The following POFUT3 variants were observed in gnomAD, a reference collection of about 807,000 sequenced individuals.
POFUT3 encodes the protein GDP-fucose protein O-fucosyltransferase 3.
At chr8:33,386,356 G>A in the POFUT3 span, among the ~76,000 whole-genome samples, 1 of 152,056 alleles carries the variant, frequency 6.6e-6, no homozygotes, top group Non-Finnish European at 1.5e-5. Flanking sequence ...CCACCTCTCT[G>A]GGAGGAATCA....
At chr8:33,428,846 C>T in the POFUT3 span, among the ~76,000 whole-genome samples, 34 of 152,362 alleles carry the variant, frequency 2.2e-4, no homozygotes, top group South Asian at 6.6e-3. Context: ...ATCCCTCCAT[C>T]TTAGATTTCC....
chr8:33,436,697 C>A, the POFUT3 span: 1 of 770,664 alleles, frequency 1.3e-6, no homozygotes, highest in Non-Finnish European at 2.2e-6. Context: ...AACAGCTTCA[C>A]CATCCTGACC....
chr8:33,345,075 G>C, the POFUT3 span, among the ~76,000 whole-genome samples: 3 of 152,312 alleles, frequency 2.0e-5, no homozygotes, highest in African/African-American at 4.8e-5. Flanking sequence ...TGAGCATTCT[G>C]TTGCTCCAGT....
the POFUT3 span, among the ~76,000 whole-genome samples, chr8:33,470,872 CA>C: frequency 6.6e-6 from 1 of 152,048 alleles, no homozygotes; most frequent in African/African-American, 2.4e-5. Context: ...AAATTATATC[CA>C]GGAGTAAAAA....
the POFUT3 span, among the ~76,000 whole-genome samples, chr8:33,358,887 A>G: frequency 6.6e-6 from 1 of 152,164 alleles, no homozygotes; most frequent in Non-Finnish European, 1.5e-5. Context: ...TCATTTTGCA[A>G]TATGAGGTTA....
the POFUT3 span, among the ~76,000 whole-genome samples, chr8:33,381,965 C>T: frequency 7.2e-5 from 11 of 152,162 alleles, no homozygotes; most frequent in Non-Finnish European, 1.3e-4. Flanking sequence ...TCAGAGCGCA[C>T]CTTCAATACA....
chr8:33,402,529 C>T, the POFUT3 span, among the ~76,000 whole-genome samples: 43,912 of 151,914 alleles, frequency 0.29, 6,718 homozygotes, highest in East Asian at 0.47. Flanking sequence ...TCTAGGATAC[C>T]CCTACCTTGA....
the POFUT3 span, among the ~76,000 whole-genome samples, chr8:33,425,574 G>A: frequency 1.3e-5 from 2 of 152,004 alleles, no homozygotes; most frequent in Admixed American, 1.3e-4. Flanking sequence ...GAAGGGACCT[G>A]AAGAAAATCA....
chr8:33,417,047 T>C, the POFUT3 span, among the ~76,000 whole-genome samples: 1 of 151,966 alleles, frequency 6.6e-6, no homozygotes, highest in African/African-American at 2.4e-5. Context: ...GAGAGAAACA[T>C]CATCTGTATT....
At chr8:33,402,888 T>C in the POFUT3 span, among the ~76,000 whole-genome samples, 1 of 151,806 alleles carries the variant, frequency 6.6e-6, no homozygotes, top group East Asian at 1.9e-4. Flanking sequence ...GGGAGACCTG[T>C]CTCTATAAAC....
At chr8:33,420,419 T>G in the POFUT3 span, among the ~76,000 whole-genome samples, 1 of 152,176 alleles carries the variant, frequency 6.6e-6, no homozygotes, top group African/African-American at 2.4e-5. Context: ...AGAGACAGTG[T>G]GGGAATAATT....
At chr8:33,459,121 C>T in the POFUT3 span, among the ~76,000 whole-genome samples, 11 of 152,140 alleles carry the variant, frequency 7.2e-5, no homozygotes, top group Non-Finnish European at 1.5e-4. Context: ...AGGTGGATCA[C>T]CTGAGGTCAG....
chr8:33,372,864 T>G, the POFUT3 span: 2 of 1,481,170 alleles, frequency 1.4e-6, no homozygotes, highest in African/African-American at 1.4e-5. Flanking sequence ...ACAATTCCCT[T>G]AAAGCAACAG....
At chr8:33,466,902 C>T in the POFUT3 span, among the ~76,000 whole-genome samples, 2 of 151,964 alleles carry the variant, frequency 1.3e-5, no homozygotes, top group African/African-American at 2.4e-5. Flanking sequence ...GTCAGGAGTT[C>T]GAGACCAGCC....
chr8:33,439,420 A>G, the POFUT3 span, among the ~76,000 whole-genome samples: 2 of 151,934 alleles, frequency 1.3e-5, no homozygotes, highest in South Asian at 4.2e-4. Context: ...AAAGAAAGAA[A>G]CTGTGTGGTT....
chr8:33,367,494 C>G, the POFUT3 span, among the ~76,000 whole-genome samples: 18 of 150,168 alleles, frequency 1.2e-4, no homozygotes, highest in Non-Finnish European at 2.5e-4. Flanking sequence ...CTGTTTGGGG[C>G]TCTCAGCTCT....
chr8:33,412,322 G>C, the POFUT3 span, among the ~76,000 whole-genome samples: 3 of 152,270 alleles, frequency 2.0e-5, no homozygotes, highest in Admixed American at 1.3e-4. Context: ...GCAGAAAAAG[G>C]CCTCCAAGAC....
the POFUT3 span, among the ~76,000 whole-genome samples, chr8:33,441,226 G>A: frequency 1.3e-5 from 2 of 151,296 alleles, no homozygotes; most frequent in Non-Finnish European, 2.9e-5. Context: ...AGCTACTCAG[G>A]AGGCTAAGGC....
At chr8:33,391,512 T>A in the POFUT3 span, among the ~76,000 whole-genome samples, 2 of 152,146 alleles carry the variant, frequency 1.3e-5, no homozygotes, top group South Asian at 4.1e-4. Context: ...ATCATTAAGA[T>A]AGAGAAACAT....
Sources: allele counts gnomAD v4.1 joint callset (sites outside exome capture counted in the v4.1 genomes callset), GRCh38; gene constraint gnomAD v4.1.1; transcripts MANE v1.5; gene names NCBI Gene and HGNC (gene_info 2026-07-23, HGNC 2026-07-21).